The following RASA3 variants were observed in gnomAD, a reference collection of about 807,000 sequenced individuals.
RASA3 encodes RAS p21 protein activator 3.
RASA3 carries 73 observed loss-of-function variants against 110.0 expected under a neutral mutation model. That is an observed-to-expected ratio of 0.66 (90% confidence interval 0.55 to 0.81). The LOEUF (loss-of-function observed/expected upper bound fraction) is 0.81. RASA3 is among the 30% of genes least tolerant of loss of function. RASA3 has a pLI of 0.00. For synonymous variants in RASA3, 500 were observed against 451.4 expected, an observed-to-expected ratio of 1.11 and a Z score of -1.37; for missense variants, 976 against 1,113.2, an observed-to-expected ratio of 0.88 and a Z score of 1.75.
At chr13:114,017,010 G>A (rs990659611) in intron 12 of RASA3, among the ~76,000 whole-genome samples, 2 of 152,180 alleles carry the variant, frequency 1.3e-5, no homozygotes, top group Non-Finnish European at 2.9e-5. Flanking sequence ...GTGGAGTGGT[G>A]GATTTTCTTA....
chr13:114,027,090 G>A (rs2054038813), intron 7 of RASA3, among the ~76,000 whole-genome samples: 1 of 152,246 alleles, frequency 6.6e-6, no homozygotes, highest in Non-Finnish European at 1.5e-5. Context: ...TCAAATCTGG[G>A]CCAGTTCGGG....
chr13:114,113,141 C>G (rs1267686720), intron 1 of RASA3, among the ~76,000 whole-genome samples: 1 of 152,222 alleles, frequency 6.6e-6, no homozygotes, highest in Non-Finnish European at 1.5e-5. Flanking sequence ...AGCCCAACAG[C>G]TGCTGTACCT....
chr13:114,120,524 G>A (rs1181474720), intron 1 of RASA3, among the ~76,000 whole-genome samples: 1 of 67,808 alleles, frequency 1.5e-5, no homozygotes, highest in Non-Finnish European at 3.2e-5. Flanking sequence ...CCAGCCAGAC[G>A]TCGGTCAGGG....
Position 113,979,274 on chromosome 13 carries a change from T to C in RASA3, c.*73A>G. ...ACTTTGCCGGCTCTGCGCTCTTCCT[T>C]CTCTTCTCCCTCCCAAAGGCTGCGG... On this transcript the variant is annotated 3_prime_UTR_variant, in exon 24 of 24. Transcript: ENST00000334062. 1 of 1,405,796 alleles carries C rather than the reference T, an allele frequency of 7.1e-7. No individual in the cohort carries two copies. The allele number at this position is 1,405,796 out of a possible 1,614,324, so 87.1% of individuals were successfully genotyped here. A position where few individuals can be genotyped will look rare whatever the true frequency, so the allele number is the denominator to read the frequency against.
chr13:114,000,757 A>G, intron 19 of RASA3, 69 bp downstream of exon 19: 1 of 1,203,794 alleles, frequency 8.3e-7, no homozygotes, highest in South Asian at 1.2e-5. Context: ...CTCCCCCTGA[A>G]AAAGCAGACT....
chr13:114,020,973 C>G (rs1218212164), intron 9 of RASA3, among the ~76,000 whole-genome samples: 3 of 152,008 alleles, frequency 2.0e-5, no homozygotes, highest in Admixed American at 2.0e-4. Flanking sequence ...GGCTCAGGGC[C>G]CCGCTTTCAC....
At chr13:114,088,373 G>A (rs928933616) in intron 1 of RASA3, among the ~76,000 whole-genome samples, 2 of 151,916 alleles carry the variant, frequency 1.3e-5, no homozygotes, top group African/African-American at 4.8e-5. Context: ...AGTCTTCCCC[G>A]CCCTGGAGCT....
At chr13:114,062,112 C>T (rs1029802484) in intron 2 of RASA3, among the ~76,000 whole-genome samples, 3 of 152,088 alleles carry the variant, frequency 2.0e-5, no homozygotes, top group Non-Finnish European at 4.4e-5. Context: ...TAACCTACAT[C>T]CAGCAAGACA....
At position 114,096,886 on chromosome 13, in the gene RASA3, C is replaced by G. The variant is rs907245136; in HGVS notation, c.56-23049G>C. Among the ~76,000 whole-genome samples, 2 of 152,184 alleles carry G rather than the reference C, an allele frequency of 1.3e-5. No homozygotes were observed. Among genetic ancestry groups the G allele is most frequent in the African/African-American group, 4.8e-5 (2 of 41,450 alleles). On this transcript the variant is annotated intron_variant, in intron 1 of 23. Coordinates refer to ENST00000334062, the MANE Select transcript of RASA3 (RefSeq NM_007368.4). This position sits in a 1 kb window ranked among gnomAD's most constrained non-coding sequence, Gnocchi z 5.1. ...CCCTACACCCCAGCCAAACGCACTCCGTGTTTGCCAACATGTGCGCCTTTG... is the reference window on the plus strand; with the variant it reads ...CCCTACACCCCAGCCAAACGCACTCGGTGTTTGCCAACATGTGCGCCTTTG...
At chr13:114,052,358 T>G (rs1252176619) in intron 2 of RASA3, among the ~76,000 whole-genome samples, 1 of 152,188 alleles carries the variant, frequency 6.6e-6, no homozygotes, top group Non-Finnish European at 1.5e-5. Flanking sequence ...GCCTTTGCAC[T>G]GCACAGATGA....
In RASA3 at chr13:114,096,278, G is replaced by A. The variant is rs1204508391; in HGVS notation, c.56-22441C>T. 4.6e-5 allele frequency among the ~76,000 whole-genome samples: 7 copies of A among 152,174 alleles called. No homozygotes were observed. In the East Asian group the frequency reaches 5.8e-4, roughly 13 times the overall value. On this transcript the variant is annotated intron_variant, in intron 1 of 23. Coordinates refer to ENST00000334062, the MANE Select transcript of RASA3 (RefSeq NM_007368.4). This position sits in a 1 kb window ranked among gnomAD's most constrained non-coding sequence, Gnocchi z 5.1. The stretch of plus-strand genomic sequence containing the variant: ...CTCGAAAATGCAGGGTGACCCTGGC[G>A]CAGGATCGGGTCTGAGAGCTGCTCA...
At chr13:114,052,916 G>A (rs1332217600) in intron 2 of RASA3, among the ~76,000 whole-genome samples, 32 of 124,352 alleles carry the variant, frequency 2.6e-4, no homozygotes, top group African/African-American at 8.8e-4. Context: ...CTGGGGGAGA[G>A]ACCCCCGCTG....
rs551018888 is a variant in RASA3, at chr13:114,102,441, C to T, written c.56-28604G>A. 1.4e-4 allele frequency among the ~76,000 whole-genome samples: 21 copies of T among 152,180 alleles called. 1 individual carries two copies. In the South Asian group the frequency reaches 4.4e-3, roughly 32 times the overall value. ...ACAGAGAGGGAGTGAGAGCGCTTCC[C>T]ACAAGAAGAACCAAGCTCAGGTCCC... is the stretch of plus-strand genomic sequence containing the variant. On this transcript the variant is annotated intron_variant, in intron 1 of 23. Transcript: ENST00000334062.
chr13:114,092,562 G>T (rs1308716535), intron 1 of RASA3, among the ~76,000 whole-genome samples: 1 of 152,136 alleles, frequency 6.6e-6, no homozygotes, highest in Admixed American at 6.5e-5. Flanking sequence ...AATTTTTTGA[G>T]ATTGTTTTGT....
rs1234143436 is a variant in RASA3, at chr13:114,132,468, G to A, written c.22C>T (p.Leu8Phe). 3.3e-6 allele frequency: 5 copies of A among 1,513,416 alleles called. No individual in the cohort carries two copies. Among genetic ancestry groups the A allele is most frequent in the Admixed American group, 4.1e-5 (2 of 48,384 alleles). The allele number at this position is 1,513,416 out of a possible 1,614,324, so 93.7% of individuals were successfully genotyped here. A position where few individuals can be genotyped will look rare whatever the true frequency, so the allele number is the denominator to read the frequency against. Reference protein sequence around the residue: MAVEDEGLRVFQSVKIKI... With the variant: MAVEDEGFRVFQSVKIKI... ...ATCTTCACGCTCTGGAAGACCCGGA[G>A]CCCCTCGTCCTCCACCGCCATGCTG... is the stretch of plus-strand genomic sequence containing the variant. The change falls in exon 1 of 24, where the codon CTC (leucine) becomes TTC (phenylalanine). Residue 8 changes from leucine to phenylalanine, a missense_variant. Leu to Phe is a conservative substitution (Grantham distance 22, BLOSUM62 0). Transcript: ENST00000334062.
rs900794039 is a variant in RASA3 at position 114,115,890 on chromosome 13, A to G, written c.55+16545T>C. Among the ~76,000 whole-genome samples the G allele has an allele frequency of 3.9e-5, 6 of 152,258 alleles. No individual in the cohort carries two copies. Among genetic ancestry groups the G allele is most frequent in the African/African-American group, 1.4e-4 (6 of 41,476 alleles). ...CTTGGTTAATATTTTACTTTCTGTC[A>G]TAACCAGCAGGCTTAAAGAAGAAAC... On this transcript the variant is annotated intron_variant, in intron 1 of 23. Transcript: ENST00000334062. This position sits in a 1 kb window ranked among gnomAD's most constrained non-coding sequence, Gnocchi z 5.0.
intron 5 of RASA3, 119 bp from the exon 6 acceptor site, chr13:114,028,046 G>A (rs1173013752): frequency 1.4e-5 from 11 of 790,714 alleles, no homozygotes; most frequent in East Asian, 1.1e-4. Context: ...TTTCCTCACC[G>A]GAAGGCAGGG....
intron 18 of RASA3, among the ~76,000 whole-genome samples, chr13:114,004,936 CCAT>C (rs1337974199): frequency 6.6e-6 from 1 of 152,206 alleles, no homozygotes; most frequent in Non-Finnish European, 1.5e-5. Flanking sequence ...TGCTACTCCA[CCAT>C]CAAGAGGAAG....
intron 14 of RASA3, among the ~76,000 whole-genome samples, chr13:114,013,863 CCTGTCTCTCTCCCT>C (rs2053715292): frequency 9.0e-5 from 11 of 122,770 alleles, no homozygotes; most frequent in East Asian, 5.1e-4. Context: ...TGTCTCTCTC[CCTGTCTCTCTCCCT>C]ATCTCTGTCT....
Sources: gnomAD v4.1 joint callset for allele counts (sites outside exome capture counted in the v4.1 genomes callset) on GRCh38, gnomAD v4.1.1 for gene constraint, Gnocchi (gnomAD v3.1) non-coding constraint, MANE v1.5 for transcripts, NCBI Gene and HGNC (gene_info 2026-07-23, HGNC 2026-07-21) for gene names.